PCDHGA7: variants seen among roughly 807,000 people sequenced by gnomAD.
PCDHGA7 encodes protocadherin gamma-A7.
In PCDHGA7, 44 loss-of-function variants were observed where a neutral mutation model predicts 58.3. The observed-to-expected ratio is 0.75, with a 90% CI of 0.59 to 0.97. The LOEUF is 0.97. Ranked by LOEUF, PCDHGA7 falls within the 50% of genes least tolerant of loss-of-function variation. The pLI, the probability that PCDHGA7 is intolerant of heterozygous loss-of-function variation, is 0.00. For missense variants in PCDHGA7, 1,266 were observed against 1,188.7 expected, an observed-to-expected ratio of 1.06 and a Z score of -0.96; for synonymous variants, 516 against 504.2, an observed-to-expected ratio of 1.02 and a Z score of -0.31.
chr5:141,427,998 C>T, intron 1 of PCDHGA7: 1 of 1,600,956 alleles, frequency 6.2e-7, no homozygotes, highest in Non-Finnish European at 8.6e-7. Flanking sequence ...TGGCTCCGCA[C>T]TCTTCGATAT....
At chr5:141,443,499 A>T (rs533910381) in intron 1 of PCDHGA7, among the ~76,000 whole-genome samples, 1 of 152,268 alleles carries the variant, frequency 6.6e-6, no homozygotes, top group African/African-American at 2.4e-5. Context: ...ACAAACAAAC[A>T]AATAAAGAGC....
chr5:141,388,793 T>C, intron 1 of PCDHGA7: 1 of 1,613,918 alleles, frequency 6.2e-7, no homozygotes, highest in South Asian at 1.1e-5. Flanking sequence ...CTGTTTTAAA[T>C]ACATTAGATT....
chr5:141,394,607 G>A (rs769750411), intron 1 of PCDHGA7: 17 of 1,613,530 alleles, frequency 1.1e-5, no homozygotes, highest in Non-Finnish European at 1.4e-5. Context: ...ACAGAGACTC[G>A]GGCCAGAACG....
intron 1 of PCDHGA7, among the ~76,000 whole-genome samples, chr5:141,470,729 G>T (rs1253040487): frequency 6.6e-6 from 1 of 152,102 alleles, no homozygotes; most frequent in Non-Finnish European, 1.5e-5. Context: ...TCAGGGTCTT[G>T]CTCTGTCGCC....
At position 141,422,383 on chromosome 5, in the gene PCDHGA7, T is replaced by C. The variant is rs201301291; in HGVS notation, c.2424+37060T>C. On this transcript the variant is annotated intron_variant, in intron 1 of 3. Transcript: ENST00000518325. ...TGGAGAAAATGGTCAAGTCTCCTGT[T>C]TTATTCCTAACCACCTGCCTTTTAA... 554 of 1,586,008 alleles carry C rather than the reference T, an allele frequency of 3.5e-4. 2 individuals are homozygous for C. The African/African-American group carries it at 6.9e-3, about 20-fold the overall frequency.
Position 141,485,718 on chromosome 5 carries a change from T to A in PCDHGA7, c.2425-9089T>A, listed in dbSNP as rs562192762. ...TCCAATGAACACTTTGCACTGGATG[T>A]GAAGAAGCGCAGCGACGGCAGCCTG... On this transcript the variant is annotated intron_variant, in intron 1 of 3. Coordinates refer to ENST00000518325, the MANE Select transcript of PCDHGA7 (RefSeq NM_018920.4). The surrounding 1 kb of genome is among the most constrained non-coding windows in gnomAD (Gnocchi z 5.7). 1 of 1,614,058 alleles carries A rather than the reference T, an allele frequency of 6.2e-7. No homozygotes were observed. The highest frequency in any genetic ancestry group is 2.2e-5 in the East Asian group (1 of 44,866).
chr5:141,458,054 T>G (rs2098935656), intron 1 of PCDHGA7, among the ~76,000 whole-genome samples: 1 of 152,252 alleles, frequency 6.6e-6, no homozygotes, highest in Admixed American at 6.5e-5. Context: ...GGATTCTTGC[T>G]GCACTGATGC....
At chr5:141,437,205 A>G (rs1561884114) in intron 1 of PCDHGA7, among the ~76,000 whole-genome samples, 1 of 152,202 alleles carries the variant, frequency 6.6e-6, no homozygotes, top group African/African-American at 2.4e-5. Context: ...ATGTGTTTAC[A>G]TTTATTCTGA....
At chr5:141,403,890 C>A in intron 1 of PCDHGA7, 1 of 1,613,714 alleles carries the variant, frequency 6.2e-7, no homozygotes, top group Non-Finnish European at 8.5e-7. Flanking sequence ...GAAGAATGTT[C>A]ATTTTATGAA....
chr5:141,403,875 A>G (rs1311532081), intron 1 of PCDHGA7: 1 of 1,613,816 alleles, frequency 6.2e-7, no homozygotes, highest in South Asian at 1.1e-5. Context: ...AAAAGTCTAG[A>G]TTATGAAGAA....
rs2099884060 is a variant in PCDHGA7 at position 141,512,057 on chromosome 5, A to T, written c.*884A>T. 1 of 152,768 alleles carries T rather than the reference A, an allele frequency of 6.5e-6. No individual in the cohort carries two copies. Among genetic ancestry groups the T allele is most frequent in the South Asian group, 2.1e-4 (1 of 4,832 alleles). 9.5% of individuals were successfully genotyped at this position (152,768 alleles called of 1,614,324 possible). ...GGCTCTGTATGTCCTCAGGGGACTG[A>T]CAACATCCTCCAGATTCCAGCCATA... is the stretch of plus-strand genomic sequence containing the variant. On this transcript the variant is annotated 3_prime_UTR_variant, in exon 4 of 4. Coordinates refer to ENST00000518325, the MANE Select transcript of PCDHGA7 (RefSeq NM_018920.4).
At chr5:141,458,028 G>A (rs1363025110) in intron 1 of PCDHGA7, among the ~76,000 whole-genome samples, 2 of 152,122 alleles carry the variant, frequency 1.3e-5, no homozygotes, top group African/African-American at 4.8e-5. Flanking sequence ...ATTGTGTTCT[G>A]TTGACAAAGA....
chr5:141,490,612 C>G lies in PCDHGA7; in HGVS notation c.2425-4195C>G, dbSNP rs1393568166. ...CAATGCACCCCGCTTCAACCAGCAG[C>G]TTTACACTGCTTACATCCTAGAAAA... On this transcript the variant is annotated intron_variant, in intron 1 of 3. Coordinates refer to ENST00000518325, the MANE Select transcript of PCDHGA7 (RefSeq NM_018920.4). This position sits in a 1 kb window ranked among gnomAD's most constrained non-coding sequence, Gnocchi z 5.4. The G allele has an allele frequency of 6.2e-7, 1 of 1,614,082 alleles. No homozygotes were observed. Among genetic ancestry groups the G allele is most frequent in the Non-Finnish European group, 8.5e-7 (1 of 1,180,032 alleles).
intron 1 of PCDHGA7, among the ~76,000 whole-genome samples, chr5:141,386,628 C>A (rs529516653): frequency 2.0e-5 from 3 of 151,780 alleles, no homozygotes; most frequent in Non-Finnish European, 4.4e-5. Flanking sequence ...CTCGCTCTGT[C>A]ACCCAGGCTG....
intron 2 of PCDHGA7, among the ~76,000 whole-genome samples, chr5:141,504,078 CCAAA>C (rs1272625151): frequency 6.6e-6 from 1 of 152,078 alleles, no homozygotes; most frequent in South Asian, 2.1e-4. Context: ...CCAGATGGTG[CCAAA>C]CAGTTACCTA....
Position 141,383,853 on chromosome 5 carries a change from G to A in PCDHGA7, c.954G>A (p.Glu318=), listed in dbSNP as rs942698942. 7 of 1,613,828 alleles carry A rather than the reference G, an allele frequency of 4.3e-6. No homozygotes were observed. The highest frequency in any genetic ancestry group is 2.7e-5 in the African/African-American group (2 of 74,936). Residue 318 remains glutamate, a synonymous_variant, in exon 1 of 4, where the codon GAG becomes GAA. Transcript: ENST00000518325. ...AAGAAACTGCCTTCTATGAAATGGA[G>A]GTTCAGGCTCAAGATGGTCCTGGTA... ...DYEETAFYEM[E]VQAQDGPGSL... is the part of the protein sequence containing the mutation.
intron 1 of PCDHGA7, chr5:141,427,959 C>A: frequency 1.3e-6 from 2 of 1,588,886 alleles, no homozygotes; most frequent in Non-Finnish European, 1.7e-6. Flanking sequence ...CAATGTGCCG[C>A]GGGTGCTGTA....
At position 141,490,475 on chromosome 5, in the gene PCDHGA7, T is replaced by C. The variant is rs769951029; in HGVS notation, c.2425-4332T>C. On this transcript the variant is annotated intron_variant, in intron 1 of 3. Coordinates refer to ENST00000518325, the MANE Select transcript of PCDHGA7 (RefSeq NM_018920.4). This position sits in a 1 kb window ranked among gnomAD's most constrained non-coding sequence, Gnocchi z 5.4. ...TACTCGCTGCTAACCAGCCAGCCTTTGGACCGGGAGGCCACATCCCACTAT... is the reference window on the plus strand; with the variant it reads ...TACTCGCTGCTAACCAGCCAGCCTTCGGACCGGGAGGCCACATCCCACTAT... The C allele has an allele frequency of 3.7e-6, 6 of 1,614,240 alleles. No individual in the cohort carries two copies. The highest frequency in any genetic ancestry group is 5.1e-6 in the Non-Finnish European group (6 of 1,180,038).
chr5:141,466,014 C>T (rs962233749), intron 1 of PCDHGA7, among the ~76,000 whole-genome samples: 75 of 151,848 alleles, frequency 4.9e-4, no homozygotes, highest in African/African-American at 1.2e-3. Flanking sequence ...CCCAGCTACT[C>T]GGGAGGGTGA....
Sources: gnomAD v4.1 joint callset for allele counts (sites outside exome capture counted in the v4.1 genomes callset) on GRCh38, gnomAD v4.1.1 for gene constraint, Gnocchi (gnomAD v3.1) non-coding constraint, MANE v1.5 for transcripts, NCBI Gene and HGNC (gene_info 2026-07-23, HGNC 2026-07-21) for gene names.